Variants in BNC2 observed in about 807,000 individuals in gnomAD.
The protein encoded by BNC2 is basonuclin zinc finger protein 2.
In BNC2, 20 loss-of-function variants were observed where a neutral mutation model predicts 76.3. That is an observed-to-expected ratio of 0.26 (90% CI 0.18 to 0.38). The LOEUF is 0.38. BNC2 is among the 10% of genes least tolerant of loss of function. The probability of loss-of-function intolerance (pLI) is 1.00; values close to 1 mark genes in which losing one functional copy is unlikely to be tolerated. For missense variants in BNC2, 1,382 were observed against 1,399.8 expected (o/e 0.99, Z 0.20); for synonymous variants, 582 against 514.8 (o/e 1.13, Z -1.77).
At position 16,782,154 on chromosome 9, in the gene BNC2, G is replaced by A. The variant is rs149833644; in HGVS notation, c.4-43669C>T. On this transcript the variant is annotated intron_variant, in intron 1 of 6. Coordinates refer to ENST00000380672, the MANE Select transcript of BNC2 (RefSeq NM_017637.6). ...ACAAAAATTATCTGGACGTGGTGGC[G>A]TGCACCTGTAGTCCCAGCTACTCGG... is the stretch of plus-strand genomic sequence containing the variant. Among the ~76,000 whole-genome samples, 611 of 151,980 alleles carry A rather than the reference G, an allele frequency of 4.0e-3. 5 individuals carry two copies. The highest frequency in any genetic ancestry group is 0.014 in the African/African-American group (570 of 41,466).
At chr9:16,468,040 C>CTTT (rs748053541) in intron 5 of BNC2, among the ~76,000 whole-genome samples, 4 of 129,552 alleles carry the variant, frequency 3.1e-5, no homozygotes, top group South Asian at 2.6e-4. Flanking sequence ...CTTTCTTTCT[C>CTTT]TTTTTTTTTT....
At chr9:16,596,610 A>G (rs1297453576) in intron 3 of BNC2, among the ~76,000 whole-genome samples, 1 of 152,150 alleles carries the variant, frequency 6.6e-6, no homozygotes, top group Non-Finnish European at 1.5e-5. Context: ...AGAAGAAACT[A>G]CAAAAGGTAA....
At chr9:16,642,588 C>A (rs1198203552) in intron 3 of BNC2, among the ~76,000 whole-genome samples, 1 of 152,186 alleles carries the variant, frequency 6.6e-6, no homozygotes, top group Non-Finnish European at 1.5e-5. Flanking sequence ...ATCTTTGAAG[C>A]AAATCTACAA....
At chr9:16,684,901 CA>C (rs57737264) in intron 3 of BNC2, among the ~76,000 whole-genome samples, 130,528 of 147,542 alleles carry the variant, frequency 0.88, 57,625 homozygotes, top group Non-Finnish European at 0.92. Flanking sequence ...ACAGTTTCAC[CA>C]AAAAAAAAAA....
At position 16,852,634 on chromosome 9, in the gene BNC2, T is replaced by C. The variant is rs567021015; in HGVS notation, c.3+18012A>G. Among the ~76,000 whole-genome samples, 140 of 152,194 alleles carry C rather than the reference T, an allele frequency of 9.2e-4. 1 individual carries two copies. The highest frequency in any genetic ancestry group is 3.2e-3 in the African/African-American group (131 of 41,516). ...TACATGTAAATAAAAAAATTAAATA[T>C]ACTTTCAAGCGGCAGTGTGCTGTGA... On this transcript the variant is annotated intron_variant, in intron 1 of 6. Transcript: ENST00000380672.
intron 5 of BNC2, among the ~76,000 whole-genome samples, chr9:16,495,417 A>G (rs1024319539): frequency 6.6e-6 from 1 of 152,244 alleles, no homozygotes; most frequent in Non-Finnish European, 1.5e-5. Context: ...AGCAGATCAC[A>G]TACTCAAAAG....
intron 5 of BNC2, among the ~76,000 whole-genome samples, chr9:16,475,010 AT>A (rs1356731513): frequency 6.6e-6 from 1 of 152,224 alleles, no homozygotes; most frequent in African/African-American, 2.4e-5. Context: ...GCCATATGAG[AT>A]TGCAGCAAAG....
intron 2 of BNC2, among the ~76,000 whole-genome samples, chr9:16,731,418 G>C (rs962091054): frequency 9.2e-5 from 14 of 152,130 alleles, no homozygotes; most frequent in African/African-American, 2.4e-5. Flanking sequence ...CCAAGTTAAA[G>C]ACATTGTGTG....
intron 1 of BNC2, among the ~76,000 whole-genome samples, chr9:16,776,102 G>C (rs1675418602): frequency 6.6e-6 from 1 of 152,058 alleles, no homozygotes; most frequent in African/African-American, 2.4e-5. Flanking sequence ...TACCCCTCAA[G>C]TTTATAACTA....
intron 5 of BNC2, among the ~76,000 whole-genome samples, chr9:16,520,312 G>A (rs62540636): frequency 0.018 from 2,722 of 152,254 alleles, 40 homozygotes; most frequent in Non-Finnish European, 0.03. Flanking sequence ...TTCATTATGT[G>A]AGTGATTTTG....
At chr9:16,635,257 T>C (rs1267494737) in intron 3 of BNC2, among the ~76,000 whole-genome samples, 1 of 152,176 alleles carries the variant, frequency 6.6e-6, no homozygotes, top group Non-Finnish European at 1.5e-5. Flanking sequence ...AAAAGCACCA[T>C]CAGAAATTAT....
chr9:16,594,976 T>G (rs574926195), intron 3 of BNC2, among the ~76,000 whole-genome samples: 3 of 152,304 alleles, frequency 2.0e-5, no homozygotes, highest in African/African-American at 7.2e-5. Flanking sequence ...GGTAAAGGTT[T>G]AAGCAACTTG....
intron 4 of BNC2, among the ~76,000 whole-genome samples, chr9:16,556,645 G>A (rs1818841863): frequency 7.1e-6 from 1 of 141,718 alleles, no homozygotes; most frequent in Non-Finnish European, 1.5e-5. Context: ...GTGCGCGCCT[G>A]TAGTCCCAGT....
At chr9:16,697,957 T>A (rs578228232) in intron 3 of BNC2, among the ~76,000 whole-genome samples, 2 of 152,268 alleles carry the variant, frequency 1.3e-5, no homozygotes, top group South Asian at 4.1e-4. Flanking sequence ...TACAGCAAAC[T>A]AGGGATAAAT....
intron 3 of BNC2, among the ~76,000 whole-genome samples, chr9:16,689,609 A>G (rs540944929): frequency 2.4e-4 from 37 of 152,010 alleles, no homozygotes; most frequent in Non-Finnish European, 4.6e-4. Flanking sequence ...TTGAAGGGAC[A>G]AAGACCTTGG....
intron 1 of BNC2, among the ~76,000 whole-genome samples, chr9:16,869,223 A>AAAAT (rs10657424): frequency 6.6e-6 from 1 of 151,576 alleles, no homozygotes; most frequent in Admixed American, 6.6e-5. Context: ...AAGTATATAA[A>AAAAT]AATAAAACAG....
chr9:16,450,782 G>A (rs919281027), intron 5 of BNC2, among the ~76,000 whole-genome samples: 1 of 152,218 alleles, frequency 6.6e-6, no homozygotes, highest in African/African-American at 2.4e-5. Context: ...GCCTTGCCCA[G>A]GGAGTCTAAG....
intron 5 of BNC2, among the ~76,000 whole-genome samples, chr9:16,484,959 G>A (rs1336642126): frequency 6.6e-6 from 1 of 152,148 alleles, no homozygotes; most frequent in Non-Finnish European, 1.5e-5. Flanking sequence ...GAGCTTGAAT[G>A]TTTGTTTGAG....
intron 3 of BNC2, among the ~76,000 whole-genome samples, chr9:16,709,212 G>C (rs566428147): frequency 3.8e-4 from 58 of 152,184 alleles, no homozygotes; most frequent in African/African-American, 1.0e-3. Context: ...GTGGGGAGGG[G>C]AACTCCTGGT....
Sources: gnomAD v4.1 joint callset for allele counts (sites outside exome capture counted in the v4.1 genomes callset) on GRCh38, gnomAD v4.1.1 for gene constraint, MANE v1.5 for transcripts, NCBI Gene and HGNC (gene_info 2026-07-23, HGNC 2026-07-21) for gene names.